Variants in ATP1B3 observed in about 807,000 individuals in gnomAD.
ATP1B3 encodes the protein sodium/potassium-transporting ATPase subunit beta-3.
Under a neutral mutation model 30.2 loss-of-function variants are expected in ATP1B3, and 10 were observed. That is an observed-to-expected ratio of 0.33 (90% CI 0.20 to 0.56). ATP1B3 has a LOEUF of 0.56. Among genes scored for constraint, ATP1B3 ranks in the 20% least tolerant of loss-of-function variants. The pLI is 0.90. For synonymous variants in ATP1B3, 113 were observed against 117.0 expected (o/e 0.97, Z 0.22); for missense variants, 238 against 336.7 (o/e 0.71, Z 2.29).
intron 1 of ATP1B3, among the ~76,000 whole-genome samples, chr3:141,885,920 CACA>C (rs1559864962): frequency 4.0e-5 from 6 of 149,474 alleles, no homozygotes; most frequent in African/African-American, 7.6e-5. Context: ...CACACACACA[CACA>C]CCCCTGTAGT....
At chr3:141,913,195 G>T (rs1934395352) in intron 3 of ATP1B3, among the ~76,000 whole-genome samples, 1 of 149,502 alleles carries the variant, frequency 6.7e-6, no homozygotes, top group African/African-American at 2.5e-5. Context: ...ATTCAGCTCA[G>T]TTGCTTTTTT....
chr3:141,887,029 A>T (rs1346653002), intron 1 of ATP1B3, among the ~76,000 whole-genome samples: 2 of 152,190 alleles, frequency 1.3e-5, no homozygotes, highest in African/African-American at 4.8e-5. Flanking sequence ...ACATTGTATG[A>T]GATAGTTTCA....
At chr3:141,913,927 G>A (rs1934411398) in intron 4 of ATP1B3, 91 bp downstream of exon 4, 1 of 1,245,292 alleles carries the variant, frequency 8.0e-7, no homozygotes, top group Admixed American at 2.5e-5. Context: ...TTGGGTTAAT[G>A]CCTTCCTTAT....
chr3:141,921,289 A>G (rs1279344909), intron 5 of ATP1B3, among the ~76,000 whole-genome samples: 1 of 152,238 alleles, frequency 6.6e-6, no homozygotes, highest in Non-Finnish European at 1.5e-5. Context: ...AACTAATAGC[A>G]TGAATTAATT....
intron 5 of ATP1B3, 79 bp from the exon 6 acceptor site, chr3:141,921,898 A>G: frequency 1.4e-6 from 1 of 713,936 alleles, no homozygotes; most frequent in Non-Finnish European, 2.3e-6. Flanking sequence ...TTCATGATTG[A>G]TATTCCTTTA....
intron 5 of ATP1B3, among the ~76,000 whole-genome samples, chr3:141,917,433 C>T (rs896530498): frequency 5.9e-5 from 9 of 152,032 alleles, no homozygotes; most frequent in East Asian, 5.9e-4. Flanking sequence ...CAGTGGCTCG[C>T]GCCTGTAATC....
chr3:141,894,378 G>A (rs759478283), intron 1 of ATP1B3, among the ~76,000 whole-genome samples: 7 of 150,996 alleles, frequency 4.6e-5, no homozygotes, highest in Non-Finnish European at 2.9e-5. Flanking sequence ...GGCTGGTCTC[G>A]AACTCCTGGC....
intron 1 of ATP1B3, among the ~76,000 whole-genome samples, chr3:141,901,835 A>G (rs1013307152): frequency 2.6e-5 from 4 of 152,184 alleles, no homozygotes; most frequent in African/African-American, 9.7e-5. Context: ...ACTCTTAGCA[A>G]TTTTGTTTCA....
At chr3:141,911,543 G>A (rs1205080264) in intron 3 of ATP1B3, among the ~76,000 whole-genome samples, 1 of 147,618 alleles carries the variant, frequency 6.8e-6, no homozygotes, top group African/African-American at 2.5e-5. Context: ...TGCCCAGGCT[G>A]GAGTACAATG....
intron 3 of ATP1B3, among the ~76,000 whole-genome samples, chr3:141,908,820 A>G (rs1559871350): frequency 6.6e-6 from 1 of 152,250 alleles, no homozygotes. Flanking sequence ...TTCAAGAGAT[A>G]ATAGAAGAAC....
intron 6 of ATP1B3, among the ~76,000 whole-genome samples, chr3:141,923,388 C>T (rs1934601129): frequency 6.6e-6 from 1 of 152,148 alleles, no homozygotes; most frequent in African/African-American, 2.4e-5. Context: ...ATGCTCAGCC[C>T]CCTGGCCACG....
intron 1 of ATP1B3, among the ~76,000 whole-genome samples, chr3:141,889,766 CA>C (rs1933905423): frequency 8.8e-6 from 1 of 113,224 alleles, no homozygotes; most frequent in Admixed American, 8.8e-5. Context: ...TACACACACA[CA>C]CACACACACA....
At chr3:141,913,631 A>C in intron 3 of ATP1B3, 21 bp from the exon 4 acceptor site, 1 of 1,595,020 alleles carries the variant, frequency 6.3e-7, no homozygotes. Context: ...GATCTAGCAC[A>C]CATATATGTT....
At chr3:141,903,854 T>C (rs1045337468) in intron 2 of ATP1B3, 106 bp downstream of exon 2, 2 of 1,321,224 alleles carry the variant, frequency 1.5e-6, no homozygotes, top group Admixed American at 2.3e-5. Flanking sequence ...TGATCTTGGG[T>C]CACTGCAACC....
intron 1 of ATP1B3, among the ~76,000 whole-genome samples, chr3:141,888,528 G>T (rs1250859105): frequency 6.6e-6 from 1 of 152,032 alleles, no homozygotes; most frequent in Non-Finnish European, 1.5e-5. Flanking sequence ...ATAGCATAAT[G>T]TATTCGTCTA....
chr3:141,905,531 C>T (rs1027315676), intron 2 of ATP1B3, among the ~76,000 whole-genome samples: 1 of 152,200 alleles, frequency 6.6e-6, no homozygotes, highest in African/African-American at 2.4e-5. Context: ...CTAATTGTCT[C>T]AACCATTTTT....
At chr3:141,890,364 A>G (rs77726052) in intron 1 of ATP1B3, among the ~76,000 whole-genome samples, 1 of 115,138 alleles carries the variant, frequency 8.7e-6, no homozygotes, top group Admixed American at 1.3e-4. Context: ...CTGCAGTGAC[A>G]TGATTTTGGC....
At chr3:141,921,946 TA>T (rs753750695) in intron 5 of ATP1B3, 30 bp from the exon 6 acceptor site, 19 of 1,277,102 alleles carry the variant, frequency 1.5e-5, no homozygotes, top group Non-Finnish European at 2.0e-5. Flanking sequence ...TTTTGTGACC[TA>T]AAGAGGATTT....
chr3:141,919,836 G>C (rs1020309424), intron 5 of ATP1B3, among the ~76,000 whole-genome samples: 2 of 152,092 alleles, frequency 1.3e-5, no homozygotes, highest in Non-Finnish European at 2.9e-5. Context: ...CTACTCGGGA[G>C]GCTTAGGCAA....
Sources: allele counts gnomAD v4.1 joint callset (sites outside exome capture counted in the v4.1 genomes callset), GRCh38; gene constraint gnomAD v4.1.1; transcripts MANE v1.5; gene names NCBI Gene and HGNC (gene_info 2026-07-23, HGNC 2026-07-21).